The following UNC5D variants were observed in gnomAD, a reference collection of about 807,000 sequenced individuals.
The protein encoded by UNC5D is unc-5 netrin receptor D, also known as netrin receptor UNC5D.
UNC5D carries 39 observed loss-of-function variants against 105.4 expected under a neutral mutation model. The observed-to-expected ratio is 0.37, with a 90% CI of 0.29 to 0.48. The LOEUF (loss-of-function observed/expected upper bound fraction) is 0.48, where lower values mean the gene tolerates loss of function less well. UNC5D is among the 20% of genes least tolerant of loss of function. The pLI is 0.98. For missense variants in UNC5D, 991 were observed against 1,202.4 expected (o/e 0.82, Z 2.60); for synonymous variants, 452 against 450.4 (o/e 1.00, Z -0.04).
chr8:35,271,392 T>A (rs1381433099), intron 1 of UNC5D, among the ~76,000 whole-genome samples: 1 of 123,258 alleles, frequency 8.1e-6, no homozygotes, highest in Non-Finnish European at 1.8e-5. Flanking sequence ...TGTACACACA[T>A]GCACGTGTGT....
intron 1 of UNC5D, among the ~76,000 whole-genome samples, chr8:35,481,518 A>T (rs1352356332): frequency 6.6e-6 from 1 of 152,208 alleles, no homozygotes; most frequent in Non-Finnish European, 1.5e-5. Flanking sequence ...CATGCTTAAC[A>T]CAACATTTCC....
intron 1 of UNC5D, among the ~76,000 whole-genome samples, chr8:35,323,023 T>C (rs1035565750): frequency 1.3e-5 from 2 of 152,124 alleles, no homozygotes; most frequent in Non-Finnish European, 2.9e-5. Flanking sequence ...GTCTTAGCAG[T>C]AGGACTAATA....
chr8:35,761,312 A>G (rs930716182), intron 14 of UNC5D, among the ~76,000 whole-genome samples: 2 of 151,898 alleles, frequency 1.3e-5, no homozygotes, highest in African/African-American at 4.9e-5. Context: ...AAAGTGAACT[A>G]TTAAGTTTAA....
intron 1 of UNC5D, among the ~76,000 whole-genome samples, chr8:35,298,623 G>A (rs530319891): frequency 1.8e-3 from 269 of 146,748 alleles, no homozygotes; most frequent in African/African-American, 6.2e-3. Context: ...CTGCAAGGCG[G>A]GGAGAAGGGC....
At chr8:35,408,950 A>T (rs1804981041) in intron 1 of UNC5D, among the ~76,000 whole-genome samples, 1 of 152,040 alleles carries the variant, frequency 6.6e-6, no homozygotes, top group Non-Finnish European at 1.5e-5. Flanking sequence ...AAAACACTCC[A>T]TTCCTAGCTA....
chr8:35,520,393 C>T (rs999832117), intron 1 of UNC5D, among the ~76,000 whole-genome samples: 5 of 151,924 alleles, frequency 3.3e-5, no homozygotes, highest in Non-Finnish European at 7.4e-5. Context: ...TGATGGTTGC[C>T]AAGGGCTGGA....
At chr8:35,773,884 A>G (rs1323183757) in intron 15 of UNC5D, among the ~76,000 whole-genome samples, 2 of 152,042 alleles carry the variant, frequency 1.3e-5, no homozygotes, top group Non-Finnish European at 2.9e-5. Context: ...CACTATGCCC[A>G]GCTAATTCTT....
intron 14 of UNC5D, among the ~76,000 whole-genome samples, chr8:35,763,944 T>C (rs1049923324): frequency 2.0e-5 from 3 of 152,182 alleles, no homozygotes; most frequent in Non-Finnish European, 2.9e-5. Flanking sequence ...GGTCACATCA[T>C]TGCCTGCCCC....
chr8:35,420,964 G>T (rs1585802559), intron 1 of UNC5D, among the ~76,000 whole-genome samples: 1 of 152,238 alleles, frequency 6.6e-6, no homozygotes, highest in Admixed American at 6.5e-5. Flanking sequence ...TAGGTTAGTT[G>T]CTGCTATCAT....
intron 1 of UNC5D, among the ~76,000 whole-genome samples, chr8:35,359,396 C>G (rs1019152565): frequency 1.3e-5 from 2 of 152,128 alleles, no homozygotes; most frequent in African/African-American, 4.8e-5. Context: ...ACTTCATCAC[C>G]CCTTTAGAAT....
intron 1 of UNC5D, among the ~76,000 whole-genome samples, chr8:35,248,874 A>T (rs1803431733): frequency 1.1e-5 from 1 of 90,862 alleles, no homozygotes; most frequent in Admixed American, 1.8e-4. Flanking sequence ...TAATATAAAA[A>T]TATATAATAT....
At chr8:35,606,000 T>A (rs1307895041) in intron 4 of UNC5D, among the ~76,000 whole-genome samples, 4 of 151,902 alleles carry the variant, frequency 2.6e-5, no homozygotes, top group African/African-American at 9.7e-5. Context: ...TTTTTATTTT[T>A]TTTTTGAGAC....
At chr8:35,663,470 A>G (rs1824234570) in intron 4 of UNC5D, among the ~76,000 whole-genome samples, 1 of 152,198 alleles carries the variant, frequency 6.6e-6, no homozygotes, top group African/African-American at 2.4e-5. Flanking sequence ...GCTTAAAGGT[A>G]GCATGTGAGT....
chr8:35,459,918 G>A lies in UNC5D; in HGVS notation c.104-89374G>A, dbSNP rs76152982. Among the ~76,000 whole-genome samples the A allele has an allele frequency of 2.2e-4, 33 of 152,196 alleles. No individual in the cohort carries two copies. In the East Asian group the frequency reaches 5.8e-3, roughly 27 times the overall value. Reference sequence around the variant, plus strand: ...TGGCTCATTAGGTATTTTTAGACCTGCTGTGGCCTTTAGACAAGTGTAACT... The same window carrying A: ...TGGCTCATTAGGTATTTTTAGACCTACTGTGGCCTTTAGACAAGTGTAACT... On this transcript the variant is annotated intron_variant, in intron 1 of 16. Coordinates refer to ENST00000404895, the MANE Select transcript of UNC5D (RefSeq NM_080872.4).
intron 1 of UNC5D, among the ~76,000 whole-genome samples, chr8:35,373,888 T>C (rs993852802): frequency 2.0e-5 from 3 of 152,256 alleles, no homozygotes; most frequent in Non-Finnish European, 4.4e-5. Flanking sequence ...ACCAGGGTTC[T>C]GAAGATCAAA....
chr8:35,587,945 GT>G (rs1406335710), intron 3 of UNC5D, among the ~76,000 whole-genome samples: 1 of 112,438 alleles, frequency 8.9e-6, no homozygotes, highest in Non-Finnish European at 1.8e-5. Flanking sequence ...TCTTTTTAGG[GT>G]TTTTCCTATA....
chr8:35,422,079 G>T (rs529633661), intron 1 of UNC5D, among the ~76,000 whole-genome samples: 1 of 152,260 alleles, frequency 6.6e-6, no homozygotes, highest in East Asian at 1.9e-4. Context: ...AACCATGAAC[G>T]GTATAGCCTC....
In UNC5D at chr8:35,357,603, T is replaced by A. The variant is rs561600223; in HGVS notation, c.103+121716T>A. On this transcript the variant is annotated intron_variant, in intron 1 of 16. Coordinates refer to ENST00000404895, the MANE Select transcript of UNC5D (RefSeq NM_080872.4). ...TGAATATTACTGTGTTGGCTTTGCTTATTTCCTAGTCTGTATCTCCTGTTA... is the reference window on the plus strand; with the variant it reads ...TGAATATTACTGTGTTGGCTTTGCTAATTTCCTAGTCTGTATCTCCTGTTA... Among the ~76,000 whole-genome samples, 7 of 152,270 alleles carry A rather than the reference T, an allele frequency of 4.6e-5. No individual in the cohort carries two copies. In the South Asian group the frequency reaches 1.4e-3, roughly 32 times the overall value.
At chr8:35,630,228 G>C (rs2958253) in intron 4 of UNC5D, among the ~76,000 whole-genome samples, 2 of 152,082 alleles carry the variant, frequency 1.3e-5, no homozygotes, top group African/African-American at 2.4e-5. Context: ...TGTTGGCAAA[G>C]GTTATATTTC....
Sources: allele counts gnomAD v4.1 joint callset (sites outside exome capture counted in the v4.1 genomes callset), GRCh38; gene constraint gnomAD v4.1.1; transcripts MANE v1.5; gene names NCBI Gene and HGNC (gene_info 2026-07-23, HGNC 2026-07-21).